The following EHBP1 variants were observed in gnomAD, a reference collection of about 807,000 sequenced individuals.
EHBP1 encodes the protein EH domain binding protein 1, also known as EH domain-binding protein 1.
EHBP1 carries 55 observed loss-of-function variants against 144.0 expected under a neutral mutation model. The ratio of observed to expected loss-of-function variants is 0.38; its 90% CI spans 0.31 to 0.48. EHBP1 has a LOEUF of 0.48. EHBP1 is among the 20% of genes least tolerant of loss of function. The probability of loss-of-function intolerance (pLI) is 0.98; values close to 1 mark genes in which losing one functional copy is unlikely to be tolerated. For synonymous variants in EHBP1, 469 were observed against 472.7 expected, an observed-to-expected ratio of 0.99 and a Z score of 0.10; for missense variants, 1,200 against 1,364.2, an observed-to-expected ratio of 0.88 and a Z score of 1.90.
chr2:62,676,494 C>T (rs1012540803), intron 1 of EHBP1, among the ~76,000 whole-genome samples: 4 of 152,172 alleles, frequency 2.6e-5, no homozygotes, highest in African/African-American at 7.2e-5. Context: ...ATTTGATTCA[C>T]TCTGGGGGAC....
chr2:62,965,807 G>A lies in EHBP1; in HGVS notation c.2460+10147G>A, dbSNP rs147305277. Among the ~76,000 whole-genome samples the A allele has an allele frequency of 2.8e-3, 422 of 152,250 alleles. 4 individuals are homozygous for A. The highest frequency in any genetic ancestry group is 9.5e-3 in the African/African-American group (395 of 41,550). ...GCCATCAGTTCTTTATGCACTCTAC[G>A]TGTCTTTAGAATTTAGTACCAAATG... On this transcript the variant is annotated intron_variant, in intron 14 of 22. Transcript: ENST00000431489.
chr2:62,951,813 C>G (rs185396002), intron 13 of EHBP1, among the ~76,000 whole-genome samples: 77 of 152,148 alleles, frequency 5.1e-4, no homozygotes, highest in African/African-American at 1.7e-3. Context: ...GTGTGAGCCA[C>G]CGCGCCTGGC....
At chr2:63,023,445 G>GA (rs1034936299) in intron 19 of EHBP1, among the ~76,000 whole-genome samples, 1 of 152,178 alleles carries the variant, frequency 6.6e-6, no homozygotes, top group Non-Finnish European at 1.5e-5. Flanking sequence ...CTGTAAAAAT[G>GA]AAAGTATGTA....
At chr2:62,965,379 C>T (rs2058200591) in intron 14 of EHBP1, among the ~76,000 whole-genome samples, 1 of 152,106 alleles carries the variant, frequency 6.6e-6, no homozygotes, top group African/African-American at 2.4e-5. Context: ...ACTATTCTGC[C>T]TGTGAGATAT....
intron 19 of EHBP1, among the ~76,000 whole-genome samples, chr2:63,024,233 A>G (rs2060878815): frequency 6.6e-6 from 1 of 152,172 alleles, no homozygotes; most frequent in Admixed American, 6.5e-5. Context: ...AATCCCAGCT[A>G]CTTGGGAGGC....
In EHBP1 at chr2:62,707,080, A is replaced by T. The variant is rs1451276448; in HGVS notation, c.-112A>T. The T allele has an allele frequency of 1.5e-5, 11 of 749,550 alleles. No individual in the cohort carries two copies. The East Asian group carries it at 2.9e-4, about 19-fold the overall frequency. 46.4% of individuals were successfully genotyped at this position (749,550 alleles called of 1,614,324 possible). A position where few individuals can be genotyped will look rare whatever the true frequency, so the allele number is the denominator to read the frequency against. On this transcript the variant is annotated 5_prime_UTR_variant, in exon 2 of 23. An upstream open reading frame in the 5' UTR loses its in-frame stop. Transcript: ENST00000431489. ...GACCCCAAGCATCATTTCGAGTTGT[A>T]GTTGAGTTTTTAAAAGACATACATG...
chr2:62,906,153 T>A (rs2053795026), intron 10 of EHBP1, among the ~76,000 whole-genome samples: 1 of 129,208 alleles, frequency 7.7e-6, no homozygotes, highest in African/African-American at 3.4e-5. Flanking sequence ...TTATTTTGTC[T>A]TTTTTTTTTT....
intron 7 of EHBP1, among the ~76,000 whole-genome samples, chr2:62,851,227 A>T (rs1338698980): frequency 6.6e-6 from 1 of 152,172 alleles, no homozygotes. Flanking sequence ...CATAACTCTC[A>T]GAATAAAGTT....
At chr2:62,854,821 G>A (rs2048921036) in intron 7 of EHBP1, among the ~76,000 whole-genome samples, 1 of 152,214 alleles carries the variant, frequency 6.6e-6, no homozygotes, top group Admixed American at 6.5e-5. Flanking sequence ...CGTGGCTGAG[G>A]CCACACACTC....
chr2:63,045,023 C>A lies in EHBP1; in HGVS notation c.3278-43C>A. 4 of 1,456,422 alleles carry A rather than the reference C, an allele frequency of 2.7e-6. No homozygotes were observed. The highest frequency in any genetic ancestry group is 2.4e-5 in the South Asian group (2 of 81,660). 90.2% of individuals were successfully genotyped at this position (1,456,422 alleles called of 1,614,324 possible). A position where few individuals can be genotyped will look rare whatever the true frequency, so the allele number is the denominator to read the frequency against. On this transcript the variant is annotated intron_variant, in intron 21 of 22. Transcript: ENST00000431489. This position sits in a 1 kb window ranked among gnomAD's most constrained non-coding sequence, Gnocchi z 5.7. ...AGGGGAGGGCGGGGGGCCGGGTGTT[C>A]GGAGGCCCTGCCGGTGGGTAACTAG... is the stretch of plus-strand genomic sequence containing the variant.
intron 5 of EHBP1, among the ~76,000 whole-genome samples, chr2:62,775,837 G>A (rs1322460140): frequency 6.6e-6 from 1 of 152,146 alleles, no homozygotes; most frequent in Non-Finnish European, 1.5e-5. Context: ...TAGCTAACAG[G>A]TTGGGATTTT....
intron 2 of EHBP1, among the ~76,000 whole-genome samples, chr2:62,730,149 AAGTAG>A (rs758856295): frequency 2.2e-4 from 33 of 152,290 alleles, no homozygotes; most frequent in Non-Finnish European, 4.0e-4. Flanking sequence ...CAGAAAAATT[AAGTAG>A]AGTACAGACA....
intron 10 of EHBP1, among the ~76,000 whole-genome samples, chr2:62,915,626 C>A (rs897651845): frequency 2.6e-5 from 4 of 151,722 alleles, no homozygotes; most frequent in African/African-American, 9.7e-5. Flanking sequence ...TTGATATAAC[C>A]ATAATCAAAA....
Position 62,955,671 on chromosome 2 carries a change from T to C in EHBP1, c.2460+11T>C. 6.3e-7 allele frequency: 1 copy of C among 1,599,480 alleles called. No homozygotes were observed. Among genetic ancestry groups the C allele is most frequent in the Non-Finnish European group, 8.5e-7 (1 of 1,174,252 alleles). ...AGGCAGCTAAGTGATGTGAGGAGCA[T>C]TGGTTAAAAAAGACCATAAGTTGTT... is the stretch of plus-strand genomic sequence containing the variant. On this transcript the variant is annotated intron_variant, in intron 14 of 22. Coordinates refer to ENST00000431489, the MANE Select transcript of EHBP1 (RefSeq NM_001142616.3).
chr2:62,774,877 A>G (rs1296367947), intron 5 of EHBP1, among the ~76,000 whole-genome samples: 1 of 152,146 alleles, frequency 6.6e-6, no homozygotes, highest in African/African-American at 2.4e-5. Context: ...CCAGATAACA[A>G]GTTAACAAAT....
intron 10 of EHBP1, among the ~76,000 whole-genome samples, chr2:62,882,604 C>T (rs536776515): frequency 3.3e-5 from 5 of 152,206 alleles, no homozygotes; most frequent in East Asian, 1.9e-4. Flanking sequence ...GGAAATGGGC[C>T]GGGTGCGGTG....
intron 19 of EHBP1, among the ~76,000 whole-genome samples, chr2:63,035,107 C>G (rs1271722807): frequency 6.6e-6 from 1 of 151,900 alleles, no homozygotes; most frequent in Non-Finnish European, 1.5e-5. Context: ...TGTAATGGTT[C>G]AACTTACTGG....
intron 7 of EHBP1, among the ~76,000 whole-genome samples, chr2:62,857,941 T>C (rs2049196262): frequency 6.6e-6 from 1 of 152,140 alleles, no homozygotes; most frequent in African/African-American, 2.4e-5. Flanking sequence ...GCAACATGAA[T>C]ACATACTTAT....
chr2:63,039,990 T>G (rs1052186650), intron 21 of EHBP1, among the ~76,000 whole-genome samples: 2 of 152,152 alleles, frequency 1.3e-5, no homozygotes, highest in East Asian at 3.9e-4. Context: ...TCAAAATTAT[T>G]TAAGAAGTTC....
Sources: gnomAD v4.1 joint callset for allele counts (sites outside exome capture counted in the v4.1 genomes callset) on GRCh38, gnomAD v4.1.1 for gene constraint, Gnocchi (gnomAD v3.1) non-coding constraint, MANE v1.5 for transcripts, NCBI Gene and HGNC (gene_info 2026-07-23, HGNC 2026-07-21) for gene names.